EP300: variants seen among roughly 807,000 people sequenced by gnomAD.
The protein encoded by EP300 is histone acetyltransferase p300.
Under a neutral mutation model 264.0 loss-of-function variants are expected in EP300, and 31 were observed. The ratio of observed to expected loss-of-function variants is 0.12; its 90% CI spans 0.09 to 0.16. The LOEUF is 0.16. EP300 is among the 10% of genes least tolerant of loss of function. The pLI, the probability that EP300 is intolerant of heterozygous loss-of-function variation, is 1.00. For missense variants in EP300, 2,766 were observed against 3,052.9 expected (o/e 0.91, Z 2.21); for synonymous variants, 1,340 against 1,045.4 (o/e 1.28, Z -5.44).
intron 23 of EP300, among the ~76,000 whole-genome samples, chr22:41,167,818 T>TTG (rs1569115896): frequency 0.024 from 997 of 42,318 alleles, 39 homozygotes; most frequent in African/African-American, 0.083. Context: ...GTTTTTGTTT[T>TTG]TTTTTTTGTT....
intron 9 of EP300, 32 bp from the exon 10 acceptor site, chr22:41,141,016 A>G: frequency 6.2e-7 from 1 of 1,602,962 alleles, no homozygotes; most frequent in Non-Finnish European, 8.5e-7. Flanking sequence ...TTTTTTCCTC[A>G]TCTCCCTTAT....
chr22:41,093,383 T>C (rs1198561799), intron 1 of EP300, among the ~76,000 whole-genome samples: 1 of 152,212 alleles, frequency 6.6e-6, no homozygotes, highest in East Asian at 1.9e-4. Flanking sequence ...TCTCATGCAA[T>C]TTAATTTGGG....
intron 29 of EP300, among the ~76,000 whole-genome samples, chr22:41,175,738 C>A (rs181839123): frequency 2.8e-4 from 43 of 152,336 alleles, no homozygotes; most frequent in Admixed American, 5.9e-4. Context: ...GCAAAATGTC[C>A]ACTGTGCATG....
intron 1 of EP300, among the ~76,000 whole-genome samples, chr22:41,106,961 C>T (rs1228116258): frequency 1.3e-5 from 2 of 152,006 alleles, no homozygotes; most frequent in East Asian, 3.8e-4. Flanking sequence ...GGCTGGAGTG[C>T]AGTAGCGTGA....
In EP300 at chr22:41,180,037, TTC is replaced by T. The variant is rs2059234820; in HGVS notation, c.*1083_*1084del. The stretch of plus-strand genomic sequence containing the variant: ...CACTGTATAGACTGTTAAATTTGAT[TTC>T]TTATTACCTATTGTTAAATAAACTG... On this transcript the variant is annotated 3_prime_UTR_variant, in exon 31 of 31. Transcript: ENST00000263253. 1 of 230,898 alleles carries T rather than the reference TTC, an allele frequency of 4.3e-6. No homozygotes were observed. The highest frequency in any genetic ancestry group is 8.6e-6 in the Non-Finnish European group (1 of 116,608). 14.3% of individuals were successfully genotyped at this position (230,898 alleles called of 1,614,324 possible).
intron 29 of EP300, chr22:41,174,666 T>A (rs1188206442): frequency 6.6e-6 from 1 of 152,046 alleles, no homozygotes; most frequent in African/African-American, 2.4e-5. Context: ...GTTTGTCCAA[T>A]GGTAGTAATC....
intron 28 of EP300, among the ~76,000 whole-genome samples, chr22:41,172,881 T>TG (rs2059178829): frequency 6.6e-6 from 1 of 152,220 alleles, no homozygotes; most frequent in Non-Finnish European, 1.5e-5. Flanking sequence ...ATCTCAGACT[T>TG]TGAGTAATGT....
intron 6 of EP300, among the ~76,000 whole-genome samples, chr22:41,134,163 C>CTTTTTTTTTTTTTTTT: frequency 9.5e-6 from 1 of 105,630 alleles, no homozygotes; most frequent in Non-Finnish European, 1.9e-5. Flanking sequence ...TCATTCTTTT[C>CTTTTTTTTTTTTTTTT]TTTTTTTTTT....
chr22:41,095,274 C>CT (rs1270319093), intron 1 of EP300, among the ~76,000 whole-genome samples: 2 of 114,564 alleles, frequency 1.7e-5, no homozygotes, highest in Non-Finnish European at 3.3e-5. Context: ...GAGTCTCATT[C>CT]TGTCACCCAG....
At position 41,176,231 on chromosome 22, in the gene EP300, A is replaced by G; in HGVS notation, c.4780-16A>G. 2 of 1,613,950 alleles carry G rather than the reference A, an allele frequency of 1.2e-6. No individual in the cohort carries two copies. The highest frequency in any genetic ancestry group is 1.7e-6 in the Non-Finnish European group (2 of 1,179,958). On this transcript the variant is annotated splice_polypyrimidine_tract_variant and intron_variant, in intron 29 of 30. Transcript: ENST00000263253. Reference sequence around the variant, plus strand: ...CGAGGCCCTGTCTCAAAAAAAAGAGACTGTCTGTTTTTCAGGTCTTCTTTG... The same window carrying G: ...CGAGGCCCTGTCTCAAAAAAAAGAGGCTGTCTGTTTTTCAGGTCTTCTTTG...
At chr22:41,170,331 A>G in intron 26 of EP300, 75 bp from the exon 27 acceptor site, 1 of 1,421,750 alleles carries the variant, frequency 7.0e-7, no homozygotes, top group Non-Finnish European at 9.9e-7. Flanking sequence ...ATCAACTCCA[A>G]CTTGTGGTTT....
At chr22:41,146,417 T>G (rs2059011038) in intron 10 of EP300, 1 of 346,960 alleles carries the variant, frequency 2.9e-6, no homozygotes. Context: ...TCCACCCACC[T>G]CAGCCTCCCA....
In EP300 at chr22:41,112,204, G is replaced by A. The variant is rs1046444030; in HGVS notation, c.95-4983G>A. Among the ~76,000 whole-genome samples, 7 of 137,154 alleles carry A rather than the reference G, an allele frequency of 5.1e-5. No homozygotes were observed. The Admixed American group carries it at 5.2e-4, about 10-fold the overall frequency. The allele number at this position is 137,154 out of a possible 152,430, so 90.0% of individuals were successfully genotyped here. ...TGCCTGGCCACCTATTTTTTTATGT[G>A]TGTGTGAGACAGTCTCGCTCTGTCA... On this transcript the variant is annotated intron_variant, in intron 1 of 30. Transcript: ENST00000263253.
chr22:41,178,254 C>A lies in EP300; in HGVS notation c.6543C>A (p.Asp2181Glu), dbSNP rs149611960. The stretch of plus-strand genomic sequence containing the variant: ...ACACCATGCCTTCACAATTCCGAGA[C>A]ATCTTGAGACGACAGCAAATGATGC... ...NHNTMPSQFRDILRRQQMMQQ... is the reference protein window; with the variant it reads ...NHNTMPSQFREILRRQQMMQQ... Residue 2181 changes from aspartate (D) to glutamate (E), a missense_variant, in exon 31 of 31, where the codon GAC becomes GAA. Coordinates refer to ENST00000263253, the MANE Select transcript of EP300 (RefSeq NM_001429.4). 1.9e-6 allele frequency: 3 copies of A among 1,613,924 alleles called. No homozygotes were observed. The highest frequency in any genetic ancestry group is 2.5e-6 in the Non-Finnish European group (3 of 1,179,998).
At chr22:41,102,916 C>G (rs1461282519) in intron 1 of EP300, among the ~76,000 whole-genome samples, 2 of 151,946 alleles carry the variant, frequency 1.3e-5, no homozygotes, top group African/African-American at 4.8e-5. Flanking sequence ...GTGGTGTGAT[C>G]TCAGCTCACT....
In EP300 at chr22:41,178,059, T is replaced by C. The variant is rs2145520334; in HGVS notation, c.6348T>C (p.Pro2116=). ...AGGGGCAGCCAGGGCTACAGCCACC[T>C]ACCATGCCAGGTCAGCAGGGGGTCC... ...MPQGQPGLQP[P]TMPGQQGVHS... The change falls in exon 31 of 31, where the codon CCT becomes CCC. Residue 2116 remains proline, a synonymous_variant. Transcript: ENST00000263253. 2.5e-6 allele frequency: 4 copies of C among 1,614,146 alleles called. No homozygotes were observed. The highest frequency in any genetic ancestry group is 2.5e-6 in the Non-Finnish European group (3 of 1,180,016).
chr22:41,158,549 G>A (rs2145749959), intron 19 of EP300, 49 bp downstream of exon 19: 1 of 1,494,554 alleles, frequency 6.7e-7, no homozygotes, highest in South Asian at 1.1e-5. Context: ...ACATGTCCAG[G>A]GAGTGCATGC....
chr22:41,115,007 C>T (rs2058813305), intron 1 of EP300, among the ~76,000 whole-genome samples: 1 of 152,114 alleles, frequency 6.6e-6, no homozygotes, highest in Non-Finnish European at 1.5e-5. Flanking sequence ...TCACAGTGCC[C>T]AGACTTGATG....
chr22:41,149,741 T>C lies in EP300; in HGVS notation c.2380-20T>C. 6.2e-7 allele frequency: 1 copy of C among 1,613,232 alleles called. No individual in the cohort carries two copies. The highest frequency in any genetic ancestry group is 8.5e-7 in the Non-Finnish European group (1 of 1,179,286). ...ATTCTGTTCTGAATTGCTGTCTTGT[T>C]ATGTTTTTTATTTTAACAGGCACAA... On this transcript the variant is annotated intron_variant, in intron 13 of 30. Transcript: ENST00000263253.
Sources: allele counts gnomAD v4.1 joint callset (sites outside exome capture counted in the v4.1 genomes callset), GRCh38; gene constraint gnomAD v4.1.1; transcripts MANE v1.5; gene names NCBI Gene and HGNC (gene_info 2026-07-23, HGNC 2026-07-21).